Variants in APBB2 observed in about 807,000 individuals in gnomAD.
APBB2 encodes Fe65-like 1.
Under a neutral mutation model 82.5 loss-of-function variants are expected in APBB2, and 38 were observed. That is an observed-to-expected ratio of 0.46 (90% CI 0.36 to 0.60). The LOEUF (loss-of-function observed/expected upper bound fraction) is 0.60. APBB2 is among the 20% of genes least tolerant of loss of function. The probability of loss-of-function intolerance (pLI) is 0.00; values close to 1 mark genes in which losing one functional copy is unlikely to be tolerated. For synonymous variants in APBB2, 341 were observed against 368.2 expected (o/e 0.93, Z 0.85); for missense variants, 772 against 972.3 (o/e 0.79, Z 2.74).
chr4:40,816,779 A>C (rs1274413447), intron 17 of APBB2, among the ~76,000 whole-genome samples: 1 of 152,136 alleles, frequency 6.6e-6, no homozygotes, highest in African/African-American at 2.4e-5. Context: ...GTTATGATTA[A>C]GTAAGTAATA....
chr4:41,161,280 ATC>A (rs1043759489), intron 1 of APBB2, among the ~76,000 whole-genome samples: 1 of 151,896 alleles, frequency 6.6e-6, no homozygotes, highest in Non-Finnish European at 1.5e-5. Context: ...TTATTCTGGA[ATC>A]TCTGAGTCCA....
chr4:41,178,924 C>A (rs1183279763), intron 1 of APBB2, among the ~76,000 whole-genome samples: 1 of 152,230 alleles, frequency 6.6e-6, no homozygotes, highest in Non-Finnish European at 1.5e-5. Context: ...TTACACTTCC[C>A]TTCCACCCAC....
intron 2 of APBB2, among the ~76,000 whole-genome samples, chr4:41,119,088 G>A (rs71608063): frequency 0.06 from 9,176 of 151,978 alleles, 332 homozygotes; most frequent in Middle Eastern, 0.13. Context: ...GCGGCAAACC[G>A]AGATCATGCC....
intron 12 of APBB2, among the ~76,000 whole-genome samples, chr4:40,849,813 T>C (rs1040370578): frequency 1.3e-5 from 2 of 150,096 alleles, no homozygotes; most frequent in Non-Finnish European, 3.0e-5. Flanking sequence ...CTGCAACCTC[T>C]GCCTCCCAGG....
intron 12 of APBB2, among the ~76,000 whole-genome samples, chr4:40,849,171 C>T (rs1048889137): frequency 2.6e-5 from 4 of 152,206 alleles, no homozygotes; most frequent in Admixed American, 1.3e-4. Flanking sequence ...TCATCACAGA[C>T]AGCGCTTTTA....
intron 2 of APBB2, among the ~76,000 whole-genome samples, chr4:41,108,954 G>A (rs927595041): frequency 2.1e-4 from 32 of 152,132 alleles, no homozygotes; most frequent in African/African-American, 6.3e-4. Context: ...ACATGGCCTC[G>A]CACACTCCAA....
At chr4:41,075,833 A>G (rs1735458260) in intron 3 of APBB2, among the ~76,000 whole-genome samples, 1 of 152,262 alleles carries the variant, frequency 6.6e-6, no homozygotes, top group Non-Finnish European at 1.5e-5. Context: ...AGTATCACTT[A>G]GTTCATTTTG....
intron 3 of APBB2, among the ~76,000 whole-genome samples, chr4:41,088,999 G>A (rs1458666787): frequency 2.0e-5 from 3 of 152,112 alleles, no homozygotes; most frequent in South Asian, 4.2e-4. Flanking sequence ...CAGAGAAAGG[G>A]GCATTAATTT....
At chr4:41,149,031 T>G (rs1199973491) in intron 1 of APBB2, among the ~76,000 whole-genome samples, 1 of 152,194 alleles carries the variant, frequency 6.6e-6, no homozygotes, top group Non-Finnish European at 1.5e-5. Flanking sequence ...GTAAAATATT[T>G]TATTTCTTAT....
intron 7 of APBB2, among the ~76,000 whole-genome samples, chr4:40,937,580 G>C (rs1456378960): frequency 6.6e-6 from 1 of 152,074 alleles, no homozygotes; most frequent in African/African-American, 2.4e-5. Flanking sequence ...AACTTAACAC[G>C]GGCACTCTTA....
chr4:40,924,407 G>A (rs1317354874), intron 10 of APBB2, among the ~76,000 whole-genome samples: 9 of 152,192 alleles, frequency 5.9e-5, no homozygotes, highest in Admixed American at 3.9e-4. Flanking sequence ...TCCTTGTAAC[G>A]TGAACTTGCC....
chr4:41,010,787 G>A (rs1013390635), intron 6 of APBB2, among the ~76,000 whole-genome samples: 1 of 152,180 alleles, frequency 6.6e-6, no homozygotes, highest in Admixed American at 6.5e-5. Context: ...GTGAAAAAAA[G>A]CAAAGCATTC....
intron 12 of APBB2, among the ~76,000 whole-genome samples, chr4:40,844,300 CA>C (rs932117479): frequency 3.4e-4 from 52 of 152,174 alleles, no homozygotes; most frequent in Admixed American, 2.0e-4. Flanking sequence ...GTTTCCTCAT[CA>C]TTGAAGAGGG....
intron 1 of APBB2, among the ~76,000 whole-genome samples, chr4:41,150,888 C>T (rs1274303312): frequency 6.6e-6 from 1 of 152,094 alleles, no homozygotes; most frequent in African/African-American, 2.4e-5. Context: ...TACAGACAAC[C>T]ACCATCATGT....
intron 5 of APBB2, among the ~76,000 whole-genome samples, chr4:41,028,593 G>A (rs935403095): frequency 6.6e-6 from 1 of 152,164 alleles, no homozygotes; most frequent in Admixed American, 6.5e-5. Context: ...CCTAAAATAA[G>A]ACATGCCTGA....
intron 12 of APBB2, among the ~76,000 whole-genome samples, chr4:40,872,679 C>A: frequency 6.6e-6 from 1 of 151,962 alleles, no homozygotes; most frequent in Non-Finnish European, 1.5e-5. Context: ...CTTGACATCT[C>A]AAGTTAGGAA....
At chr4:41,047,453 G>A (rs879642725) in intron 4 of APBB2, among the ~76,000 whole-genome samples, 6 of 152,268 alleles carry the variant, frequency 3.9e-5, no homozygotes, top group Non-Finnish European at 7.3e-5. Context: ...AAAGCCCACA[G>A]GGATAGGGCT....
chr4:41,054,477 G>C (rs1727138537), intron 4 of APBB2, among the ~76,000 whole-genome samples: 1 of 152,142 alleles, frequency 6.6e-6, no homozygotes, highest in Non-Finnish European at 1.5e-5. Context: ...CAATGGAACA[G>C]GATATGGGCA....
At chr4:40,981,904 G>C (rs1798569734) in intron 6 of APBB2, among the ~76,000 whole-genome samples, 1 of 151,986 alleles carries the variant, frequency 6.6e-6, no homozygotes, top group Non-Finnish European at 1.5e-5. Flanking sequence ...TTTGAGACCA[G>C]GCCAGGTGCA....
Sources: gnomAD v4.1 joint callset for allele counts (sites outside exome capture counted in the v4.1 genomes callset) on GRCh38, gnomAD v4.1.1 for gene constraint, MANE v1.5 for transcripts, NCBI Gene and HGNC (gene_info 2026-07-23, HGNC 2026-07-21) for gene names.